Variants in SPHKAP observed in about 807,000 individuals in gnomAD.
The protein encoded by SPHKAP is SPHK1 interactor, AKAP domain containing, also known as A-kinase anchor protein SPHKAP.
Under a neutral mutation model 137.5 loss-of-function variants are expected in SPHKAP, and 67 were observed. That is an observed-to-expected ratio of 0.49 (90% CI 0.40 to 0.60). SPHKAP has a LOEUF of 0.60. Ranked by LOEUF, SPHKAP falls within the 20% of genes least tolerant of loss-of-function variation. The pLI, the probability that SPHKAP is intolerant of heterozygous loss-of-function variation, is 0.00. For missense variants in SPHKAP, 2,097 were observed against 2,069.3 expected (o/e 1.01, Z -0.26); for synonymous variants, 813 against 785.3 (o/e 1.04, Z -0.59).
At chr2:228,045,016 A>G (rs970008919) in intron 3 of SPHKAP, among the ~76,000 whole-genome samples, 91 of 152,264 alleles carry the variant, frequency 6.0e-4, no homozygotes, top group Middle Eastern at 3.4e-3. Flanking sequence ...ATCACTGGCC[A>G]TCAGAGAAAT....
intron 7 of SPHKAP, among the ~76,000 whole-genome samples, chr2:228,010,204 A>C (rs952413870): frequency 8.5e-5 from 13 of 152,160 alleles, no homozygotes; most frequent in Non-Finnish European, 1.6e-4. Context: ...GTATGAAATC[A>C]GTTGTTTAAT....
At chr2:228,126,460 T>A (rs1699078700) in intron 2 of SPHKAP, among the ~76,000 whole-genome samples, 1 of 152,146 alleles carries the variant, frequency 6.6e-6, no homozygotes, top group East Asian at 1.9e-4. Flanking sequence ...GTAGCAAACA[T>A]AACTTAATTG....
intron 3 of SPHKAP, chr2:228,028,094 A>T: frequency 1.0e-6 from 1 of 983,070 alleles, no homozygotes; most frequent in Non-Finnish European, 1.2e-6. Context: ...GGCCCAACAT[A>T]CTAAAAAAGT....
rs865929153 is a variant in SPHKAP at position 228,001,132 on chromosome 2, T to C, written c.4449-5438A>G. Among the ~76,000 whole-genome samples the C allele has an allele frequency of 1.8e-4, 28 of 151,736 alleles. 1 individual carries two copies. Among genetic ancestry groups the C allele is most frequent in the Middle Eastern group, 3.4e-3 (1 of 290 alleles). ...TTTGATTTGCAAGTCCATAATGACA[T>C]AATGTTGAACATCTTTTTATATGCT... On this transcript the variant is annotated intron_variant, in intron 7 of 11. Transcript: ENST00000392056.
At chr2:228,059,007 G>A (rs554957282) in intron 3 of SPHKAP, among the ~76,000 whole-genome samples, 9 of 152,178 alleles carry the variant, frequency 5.9e-5, no homozygotes, top group African/African-American at 2.2e-4. Flanking sequence ...CTATAGTTTT[G>A]TTTTTTCCAG....
At position 228,027,742 on chromosome 2, in the gene SPHKAP, C is replaced by T. The variant is rs555795081; in HGVS notation, c.247-199G>A. On this transcript the variant is annotated intron_variant, in intron 3 of 11. Coordinates refer to ENST00000392056, the MANE Select transcript of SPHKAP (RefSeq NM_001142644.2). ...CAGCACTTTAGGAGGCCAAGGCGGG[C>T]AGATCACGAGGTCAGGAGATCGAGA... 2.0e-5 allele frequency among the ~76,000 whole-genome samples: 3 copies of T among 152,008 alleles called. No homozygotes were observed. The East Asian group carries it at 5.8e-4, about 30-fold the overall frequency.
At chr2:228,164,732 G>T (rs1396018642) in intron 1 of SPHKAP, among the ~76,000 whole-genome samples, 1 of 152,046 alleles carries the variant, frequency 6.6e-6, no homozygotes, top group Non-Finnish European at 1.5e-5. Context: ...TGTACTTCAG[G>T]CACACACCTA....
chr2:228,121,829 A>T (rs777219458), intron 2 of SPHKAP, among the ~76,000 whole-genome samples: 1 of 152,132 alleles, frequency 6.6e-6, no homozygotes, highest in Non-Finnish European at 1.5e-5. Flanking sequence ...TATCTGAGCC[A>T]TGTTATTCCT....
chr2:228,017,616 C>A lies in SPHKAP; in HGVS notation c.3238G>T (p.Ala1080Ser). 4 of 1,613,936 alleles carry A rather than the reference C, an allele frequency of 2.5e-6. No homozygotes were observed. The highest frequency in any genetic ancestry group is 2.2e-5 in the South Asian group (2 of 91,076). The change falls in exon 7 of 12, where the codon GCC becomes TCC. Residue 1080 changes from alanine (A) to serine (S), a missense_variant. Coordinates refer to ENST00000392056, the MANE Select transcript of SPHKAP (RefSeq NM_001142644.2). The part of the protein sequence containing the change: ...LSGDRWSRLK[A>S]SSCESIPEED... Reference sequence around the variant, plus strand: ...TCAGGAATGCTTTCGCAGCTGGAGGCCTTCAGCCGGCTCCACCTGTCGCCA... The same window carrying A: ...TCAGGAATGCTTTCGCAGCTGGAGGACTTCAGCCGGCTCCACCTGTCGCCA...
rs896135770 is a variant in SPHKAP, at chr2:228,021,957, G to C, written c.451C>G (p.Leu151Val). Residue 151 changes from leucine (L) to valine (V), a missense_variant, in exon 6 of 12, where the codon CTG (leucine) becomes GTG (valine). Leu to Val is a conservative substitution (Grantham distance 32, BLOSUM62 1). Coordinates refer to ENST00000392056, the MANE Select transcript of SPHKAP (RefSeq NM_001142644.2). ...ADFEVSQCPW[L>V]PDICLVQCAR... Reference sequence around the variant, plus strand: ...CATTGGACCAAGCAGATATCTGGCAGCCAAGGGCACTAAAAGTGGAGAGAA... The same window carrying C: ...CATTGGACCAAGCAGATATCTGGCACCCAAGGGCACTAAAAGTGGAGAGAA... 6 of 1,592,274 alleles carry C rather than the reference G, an allele frequency of 3.8e-6. No individual in the cohort carries two copies. The highest frequency in any genetic ancestry group is 5.1e-6 in the Non-Finnish European group (6 of 1,169,850).
chr2:227,990,761 C>A, intron 11 of SPHKAP: 1 of 410,962 alleles, frequency 2.4e-6, no homozygotes, highest in Non-Finnish European at 4.3e-6. Context: ...AGTTCCCATC[C>A]CCTCAATTTA....
chr2:227,996,697 T>A (rs1213816204), intron 7 of SPHKAP, among the ~76,000 whole-genome samples: 5 of 152,286 alleles, frequency 3.3e-5, no homozygotes, highest in Non-Finnish European at 1.5e-5. Context: ...CCCACCCTCT[T>A]CCTGGGCTTC....
At chr2:228,093,859 CAAAAAAAAA>C (rs11336381) in intron 3 of SPHKAP, among the ~76,000 whole-genome samples, 1 of 77,110 alleles carries the variant, frequency 1.3e-5, no homozygotes, top group Non-Finnish European at 2.3e-5. Context: ...GACTCCGTTT[CAAAAAAAAA>C]AAAAAAAAAA....
chr2:227,998,124 G>A (rs992707747), intron 7 of SPHKAP, among the ~76,000 whole-genome samples: 9 of 151,980 alleles, frequency 5.9e-5, no homozygotes, highest in South Asian at 2.1e-4. Flanking sequence ...CCCCTGCCTC[G>A]GCCTCCCAAG....
At chr2:228,035,274 A>C (rs1393423747) in intron 3 of SPHKAP, among the ~76,000 whole-genome samples, 1 of 150,544 alleles carries the variant, frequency 6.6e-6, no homozygotes, top group Non-Finnish European at 1.5e-5. Context: ...GTGAACTCCC[A>C]TTCACAACTG....
intron 3 of SPHKAP, among the ~76,000 whole-genome samples, chr2:228,087,447 CAG>C (rs1257223604): frequency 6.6e-6 from 1 of 152,064 alleles, no homozygotes; most frequent in Non-Finnish European, 1.5e-5. Context: ...TAGCAGGCAA[CAG>C]AAGCTGACTG....
intron 11 of SPHKAP, among the ~76,000 whole-genome samples, chr2:227,985,989 A>C (rs1365573654): frequency 6.6e-6 from 1 of 152,176 alleles, no homozygotes; most frequent in Admixed American, 6.5e-5. Flanking sequence ...CTGGAACCCC[A>C]GGCACCTTTA....
At chr2:228,092,376 G>GATAT (rs1697802347) in intron 3 of SPHKAP, among the ~76,000 whole-genome samples, 1 of 133,430 alleles carries the variant, frequency 7.5e-6, no homozygotes, top group African/African-American at 2.8e-5. Flanking sequence ...TATACATACA[G>GATAT]ATATACATAT....
intron 5 of SPHKAP, among the ~76,000 whole-genome samples, chr2:228,024,552 T>C (rs1694961525): frequency 6.6e-6 from 1 of 152,154 alleles, no homozygotes; most frequent in Admixed American, 6.5e-5. Context: ...ATTAATTGAT[T>C]TATCACACTG....
Sources: allele counts gnomAD v4.1 joint callset (sites outside exome capture counted in the v4.1 genomes callset), GRCh38; gene constraint gnomAD v4.1.1; transcripts MANE v1.5; gene names NCBI Gene and HGNC (gene_info 2026-07-23, HGNC 2026-07-21).